CERS3: variants seen among roughly 807,000 people sequenced by gnomAD.
CERS3 encodes ceramide synthase 3.
CERS3 carries 33 observed loss-of-function variants against 50.3 expected under a neutral mutation model. The ratio of observed to expected loss-of-function variants is 0.66; its 90% CI spans 0.50 to 0.88. CERS3 has a LOEUF of 0.88. CERS3 is among the 40% of genes least tolerant of loss of function. CERS3 has a pLI of 0.00. For missense variants in CERS3, 470 were observed against 460.3 expected (o/e 1.02, Z -0.19); for synonymous variants, 176 against 155.2 (o/e 1.13, Z -0.99).
intron 2 of CERS3, among the ~76,000 whole-genome samples, chr15:100,520,055 C>G (rs2036598800): frequency 1.3e-5 from 2 of 152,138 alleles, no homozygotes; most frequent in Non-Finnish European, 2.9e-5. Flanking sequence ...ATCAAGGATC[C>G]TAGAATTCCC....
At chr15:100,444,412 T>C in intron 11 of CERS3, among the ~76,000 whole-genome samples, 1 of 152,044 alleles carries the variant, frequency 6.6e-6, no homozygotes, top group Non-Finnish European at 1.5e-5. Context: ...ATCTCTCTGA[T>C]CCACCTGACG....
chr15:100,402,723 T>C lies in CERS3; in HGVS notation c.1142A>G (p.His381Arg). Residue 381 changes from histidine to arginine, a missense_variant, in exon 12 of 12, where the codon CAT becomes CGT. Coordinates refer to ENST00000679737, the MANE Select transcript of CERS3 (RefSeq NM_001378789.1). ...CCTGTAGGCTTCCAGCTAATGGCCA[T>C]GCTGGCCATTGGGAATGAGGTGCCT... The part of the protein sequence containing the change: ...AERHLIPNGQ[H>R]GH The C allele has an allele frequency of 6.2e-7, 1 of 1,614,030 alleles. No homozygotes were observed. Among genetic ancestry groups the C allele is most frequent in the African/African-American group, 1.3e-5 (1 of 75,052 alleles).
chr15:100,408,603 C>G (rs1183958623), intron 11 of CERS3: 2 of 152,148 alleles, frequency 1.3e-5, no homozygotes, highest in East Asian at 1.9e-4. Flanking sequence ...GGATTGACAA[C>G]TACTACCTTA....
At chr15:100,516,815 G>T (rs1231742653) in intron 2 of CERS3, among the ~76,000 whole-genome samples, 1 of 152,216 alleles carries the variant, frequency 6.6e-6, no homozygotes, top group Non-Finnish European at 1.5e-5. Flanking sequence ...AGGCTGTGTT[G>T]CAATGTCAGG....
chr15:100,532,920 T>C (rs574359991), upstream of CERS3, among the ~76,000 whole-genome samples: 1 of 152,290 alleles, frequency 6.6e-6, no homozygotes, highest in East Asian at 1.9e-4. Context: ...GTGAAGCCTA[T>C]GTCTTATTGT....
At chr15:100,530,258 C>T (rs1566776), upstream of CERS3, among the ~76,000 whole-genome samples, 14,095 of 152,250 alleles carry the variant, frequency 0.093, 778 homozygotes, top group African/African-American at 0.14. Flanking sequence ...ACCTAACTCA[C>T]ATTCCCATTC....
chr15:100,421,228 A>C (rs1483886628), intron 11 of CERS3, among the ~76,000 whole-genome samples: 3 of 150,908 alleles, frequency 2.0e-5, no homozygotes, highest in African/African-American at 7.3e-5. Context: ...AAGCAACTTC[A>C]GCAAAGTCTC....
At position 100,528,928 on chromosome 15, in the gene CERS3, T is replaced by C. The variant is rs1181580669; in HGVS notation, c.-207A>G. The stretch of plus-strand genomic sequence containing the variant: ...CTCAGAGAGCAGCACAACTCATCTC[T>C]GTGTAAGACCTGAAATTCCTTCAGA... On this transcript the variant is annotated 5_prime_UTR_variant, in exon 1 of 12. Coordinates refer to ENST00000679737, the MANE Select transcript of CERS3 (RefSeq NM_001378789.1). The C allele has an allele frequency of 6.6e-6, 1 of 152,218 alleles. No individual in the cohort carries two copies. The allele number at this position is 152,218 out of a possible 1,614,324, so 9.4% of individuals were successfully genotyped here. A position where few individuals can be genotyped will look rare whatever the true frequency, so the allele number is the denominator to read the frequency against.
chr15:100,497,864 C>G (rs1416876458), intron 3 of CERS3, among the ~76,000 whole-genome samples: 3 of 65,982 alleles, frequency 4.5e-5, no homozygotes, highest in Non-Finnish European at 9.4e-5. Flanking sequence ...CACACACACA[C>G]ACACACACAC....
chr15:100,437,712 C>T (rs562087845), intron 11 of CERS3: 1 of 152,280 alleles, frequency 6.6e-6, no homozygotes, highest in South Asian at 2.1e-4. Flanking sequence ...TTACTATGTG[C>T]CACCCACTGT....
intron 1 of CERS3, among the ~76,000 whole-genome samples, chr15:100,522,971 T>G (rs1283222384): frequency 1.3e-5 from 2 of 152,222 alleles, no homozygotes; most frequent in Non-Finnish European, 2.9e-5. Flanking sequence ...TCCAGTGGTT[T>G]AATATCCTTG....
At chr15:100,414,820 A>T (rs1374997339) in intron 11 of CERS3, among the ~76,000 whole-genome samples, 2 of 25,484 alleles carry the variant, frequency 7.8e-5, no homozygotes, top group Admixed American at 3.5e-4. Flanking sequence ...CAAAATGATT[A>T]AAAAAAAAAA....
intron 11 of CERS3, among the ~76,000 whole-genome samples, chr15:100,428,579 C>CA (rs1397147865): frequency 4.6e-5 from 7 of 152,166 alleles, no homozygotes; most frequent in Non-Finnish European, 8.8e-5. Flanking sequence ...TTGTGACAGA[C>CA]AAAAATGTCT....
chr15:100,452,158 T>C (rs964819918), intron 11 of CERS3, among the ~76,000 whole-genome samples: 3 of 150,520 alleles, frequency 2.0e-5, no homozygotes, highest in African/African-American at 7.5e-5. Flanking sequence ...TTTCATCCAA[T>C]GGCTATAGAA....
chr15:100,476,949 T>C (rs2142258254), intron 7 of CERS3, among the ~76,000 whole-genome samples: 1 of 152,298 alleles, frequency 6.6e-6, no homozygotes, highest in African/African-American at 2.4e-5. Context: ...GCCATCCTGC[T>C]GAAGAGGCCA....
intron 4 of CERS3, among the ~76,000 whole-genome samples, chr15:100,487,094 A>G (rs1305052954): frequency 1.3e-5 from 2 of 152,234 alleles, no homozygotes; most frequent in Non-Finnish European, 2.9e-5. Context: ...AAAAGTGTCT[A>G]AAAGTGTTTT....
Position 100,400,718 on chromosome 15 carries a change from T to C in CERS3, c.*1995A>G, listed in dbSNP as rs1020057743. ...CTACCTTAAGCAAGAAGATATTTGG[T>C]ACAGAGACAAAAACCAAATAAGCAA... On this transcript the variant is annotated 3_prime_UTR_variant, in exon 12 of 12. Transcript: ENST00000679737. 21 of 152,090 alleles carry C rather than the reference T, an allele frequency of 1.4e-4. No individual in the cohort carries two copies. The highest frequency in any genetic ancestry group is 7.7e-4 in the East Asian group (4 of 5,202). 9.4% of individuals were successfully genotyped at this position (152,090 alleles called of 1,614,324 possible). A position where few individuals can be genotyped will look rare whatever the true frequency, so the allele number is the denominator to read the frequency against.
chr15:100,515,991 G>A (rs1221868541), intron 2 of CERS3, among the ~76,000 whole-genome samples: 1 of 152,090 alleles, frequency 6.6e-6, no homozygotes, highest in East Asian at 1.9e-4. Context: ...ACAAGTGACT[G>A]GTCCAGGGCA....
chr15:100,534,971 T>C (rs2037034726), intron 1 of CERS3, among the ~76,000 whole-genome samples: 1 of 152,098 alleles, frequency 6.6e-6, no homozygotes, highest in African/African-American at 2.4e-5. Context: ...ACACCTCAAG[T>C]TGTTCCACCT....
Sources: allele counts gnomAD v4.1 joint callset (sites outside exome capture counted in the v4.1 genomes callset), GRCh38; gene constraint gnomAD v4.1.1; transcripts MANE v1.5; gene names NCBI Gene and HGNC (gene_info 2026-07-23, HGNC 2026-07-21).